KCNQ3: variants seen among roughly 807,000 people sequenced by gnomAD.
KCNQ3 encodes the protein potassium voltage-gated channel subfamily Q member 3.
Under a neutral mutation model 92.5 loss-of-function variants are expected in KCNQ3, and 30 were observed. The ratio of observed to expected loss-of-function variants is 0.32; its 90% CI spans 0.24 to 0.44. The LOEUF is 0.44. Among genes scored for constraint, KCNQ3 ranks in the 20% least tolerant of loss-of-function variants. KCNQ3 has a pLI of 1.00. For missense variants in KCNQ3, 913 were observed against 1,140.3 expected, an observed-to-expected ratio of 0.80 and a Z score of 2.87; for synonymous variants, 450 against 468.8, an observed-to-expected ratio of 0.96 and a Z score of 0.52.
At chr8:132,229,354 C>G (rs1423886869) in intron 1 of KCNQ3, among the ~76,000 whole-genome samples, 2 of 151,884 alleles carry the variant, frequency 1.3e-5, no homozygotes, top group Non-Finnish European at 2.9e-5. Flanking sequence ...GATGACTCAA[C>G]CAAGCCAGTG....
intron 1 of KCNQ3, among the ~76,000 whole-genome samples, chr8:132,205,366 C>T (rs2130276375): frequency 6.6e-6 from 1 of 152,366 alleles, no homozygotes; most frequent in East Asian, 1.9e-4. Context: ...TTTGCTTGCG[C>T]TATGGATGGT....
At chr8:132,401,967 G>C (rs1820346546) in intron 1 of KCNQ3, among the ~76,000 whole-genome samples, 1 of 102,194 alleles carries the variant, frequency 9.8e-6, no homozygotes, top group Non-Finnish European at 2.5e-5. Flanking sequence ...GGCTGGTGCA[G>C]TCGGGCAGTT....
Position 132,213,967 on chromosome 8 carries a change from A to G in KCNQ3, c.387-27786T>C, listed in dbSNP as rs955693065. On this transcript the variant is annotated intron_variant, in intron 1 of 14. Coordinates refer to ENST00000388996, the MANE Select transcript of KCNQ3 (RefSeq NM_004519.4). The stretch of plus-strand genomic sequence containing the variant: ...CTCCTTGAAATGAGGACAAGAAAAA[A>G]CCACGGAAAATACACAGAATGACTC... Among the ~76,000 whole-genome samples the G allele has an allele frequency of 1.4e-4, 22 of 152,142 alleles. 2 individuals carry two copies. Among genetic ancestry groups the G allele is most frequent in the Admixed American group, 6.6e-4 (10 of 15,262 alleles).
intron 1 of KCNQ3, among the ~76,000 whole-genome samples, chr8:132,364,593 G>T (rs982867731): frequency 3.3e-5 from 5 of 152,068 alleles, no homozygotes; most frequent in African/African-American, 1.2e-4. Flanking sequence ...ACAATTATAG[G>T]CTCAGGACCT....
chr8:132,260,896 C>T (rs1041240807), intron 1 of KCNQ3, among the ~76,000 whole-genome samples: 2 of 152,158 alleles, frequency 1.3e-5, no homozygotes, highest in Admixed American at 6.5e-5. Context: ...ATCCATCCAT[C>T]CAATCACATT....
intron 1 of KCNQ3, among the ~76,000 whole-genome samples, chr8:132,402,218 G>T (rs1311009745): frequency 1.3e-5 from 2 of 152,076 alleles, no homozygotes; most frequent in African/African-American, 4.8e-5. Flanking sequence ...TCTATCTATG[G>T]CCTGTTGAGT....
At chr8:132,139,205 G>C (rs1322572599) in intron 11 of KCNQ3, among the ~76,000 whole-genome samples, 2 of 152,190 alleles carry the variant, frequency 1.3e-5, no homozygotes, top group African/African-American at 2.4e-5. Context: ...AGAAGAAGAC[G>C]GCAGAGACTA....
intron 7 of KCNQ3, among the ~76,000 whole-genome samples, chr8:132,171,093 A>C (rs1444725759): frequency 2.0e-5 from 3 of 152,182 alleles, no homozygotes; most frequent in Non-Finnish European, 2.9e-5. Flanking sequence ...ATTCCCTGAG[A>C]CTTCTCAGTC....
intron 1 of KCNQ3, among the ~76,000 whole-genome samples, chr8:132,362,106 A>C (rs1819188854): frequency 6.6e-6 from 1 of 152,176 alleles, no homozygotes; most frequent in Non-Finnish European, 1.5e-5. Context: ...AAATGTTGAT[A>C]GTGCTTTATA....
intron 1 of KCNQ3, among the ~76,000 whole-genome samples, chr8:132,234,966 T>C (rs1377603746): frequency 6.6e-6 from 1 of 152,210 alleles, no homozygotes; most frequent in East Asian, 1.9e-4. Flanking sequence ...TGCCCAACCT[T>C]ATGAATATAT....
chr8:132,445,176 A>G (rs1240768106), intron 1 of KCNQ3, among the ~76,000 whole-genome samples: 1 of 152,224 alleles, frequency 6.6e-6, no homozygotes. Context: ...TTTGGAGCCA[A>G]GTCCCAAATG....
chr8:132,337,084 C>A (rs1164861763), intron 1 of KCNQ3, among the ~76,000 whole-genome samples: 4 of 152,132 alleles, frequency 2.6e-5, no homozygotes, highest in Non-Finnish European at 4.4e-5. Flanking sequence ...GTATAAAGGT[C>A]CCTTATTGCC....
chr8:132,164,023 G>A (rs1826069103), intron 8 of KCNQ3, among the ~76,000 whole-genome samples: 1 of 152,158 alleles, frequency 6.6e-6, no homozygotes, highest in African/African-American at 2.4e-5. Context: ...CTCACAGTTA[G>A]GAGGCAGCAA....
In KCNQ3 at chr8:132,133,495, A is replaced by G. The variant is rs201615201; in HGVS notation, c.1799+795T>C. ...CTCAGCCTCCCAAGTAGCTGGGACT[A>G]CAGGCAGGCGCCACCACGCCCAGCT... On this transcript the variant is annotated intron_variant, in intron 13 of 14. Transcript: ENST00000388996. Among the ~76,000 whole-genome samples the G allele has an allele frequency of 4.0e-5, 6 of 151,216 alleles. No homozygotes were observed. In the South Asian group the frequency reaches 1.0e-3, roughly 26 times the overall value.
rs188114597 is a variant in KCNQ3, at chr8:132,455,640, G to A, written c.386+24507C>T. ...CACTGTCCTCGTCATTGCTGTCCTA[G>A]CAGATACTTACACTCTCATTGTGCC... On this transcript the variant is annotated intron_variant, in intron 1 of 14. Coordinates refer to ENST00000388996, the MANE Select transcript of KCNQ3 (RefSeq NM_004519.4). 7.1e-3 allele frequency among the ~76,000 whole-genome samples: 1,083 copies of A among 152,322 alleles called. 13 individuals are homozygous for A. The highest frequency in any genetic ancestry group is 0.025 in the African/African-American group (1,050 of 41,570).
At chr8:132,457,767 G>A (rs1228590266) in intron 1 of KCNQ3, among the ~76,000 whole-genome samples, 1 of 152,188 alleles carries the variant, frequency 6.6e-6, no homozygotes, top group Non-Finnish European at 1.5e-5. Flanking sequence ...TATGCCAGCT[G>A]CTGAACAACC....
chr8:132,248,473 G>A (rs1186540160), intron 1 of KCNQ3, among the ~76,000 whole-genome samples: 1 of 152,056 alleles, frequency 6.6e-6, no homozygotes, highest in Admixed American at 6.5e-5. Flanking sequence ...CTAGAGCTCT[G>A]CTTCCTTTGT....
At chr8:132,270,597 C>G (rs987574286) in intron 1 of KCNQ3, among the ~76,000 whole-genome samples, 1 of 152,150 alleles carries the variant, frequency 6.6e-6, no homozygotes, top group Non-Finnish European at 1.5e-5. Context: ...GGAAGACATA[C>G]CCATTCCTTT....
At chr8:132,200,223 G>C (rs1452134840) in intron 1 of KCNQ3, among the ~76,000 whole-genome samples, 1 of 152,072 alleles carries the variant, frequency 6.6e-6, no homozygotes, top group East Asian at 1.9e-4. Flanking sequence ...GTATAAAATA[G>C]AGGTAGGTTT....
Sources: gnomAD v4.1 joint callset for allele counts (sites outside exome capture counted in the v4.1 genomes callset) on GRCh38, gnomAD v4.1.1 for gene constraint, MANE v1.5 for transcripts, NCBI Gene and HGNC (gene_info 2026-07-23, HGNC 2026-07-21) for gene names.